Variants in KAZN observed in about 807,000 individuals in gnomAD.
KAZN encodes the protein kazrin, periplakin interacting protein, also known as kazrin.
In KAZN, 40 loss-of-function variants were observed where a neutral mutation model predicts 87.4. The ratio of observed to expected loss-of-function variants is 0.46; its 90% CI spans 0.36 to 0.60. KAZN has a LOEUF of 0.60. Ranked by LOEUF, KAZN falls within the 20% of genes least tolerant of loss-of-function variation. The probability of loss-of-function intolerance (pLI) is 0.00; values close to 1 mark genes in which losing one functional copy is unlikely to be tolerated. For synonymous variants in KAZN, 466 were observed against 458.3 expected (o/e 1.02, Z -0.22); for missense variants, 898 against 1,073.9 (o/e 0.84, Z 2.29).
Position 14,670,968 on chromosome 1 carries a change from G to T in KAZN, c.226+71745G>T, listed in dbSNP as rs374080429. Among the ~76,000 whole-genome samples, 11 of 152,280 alleles carry T rather than the reference G, an allele frequency of 7.2e-5. No homozygotes were observed. The East Asian group carries it at 1.7e-3, about 24-fold the overall frequency. On this transcript the variant is annotated intron_variant, in intron 1 of 14. Transcript: ENST00000376030. ...AAATTCTACTGGCATCCGGTGGGTG[G>T]AGGCCATAGATGATGTCAAACATCC...
Position 15,056,389 on chromosome 1 carries a change from G to A in KAZN, c.916+109G>A. Reference sequence around the variant, plus strand: ...TTTGTTCGTACTACAGCAGCTTGGGGGCGTGGGACAGAGACCTTGGGCTCA... The same window carrying A: ...TTTGTTCGTACTACAGCAGCTTGGGAGCGTGGGACAGAGACCTTGGGCTCA... On this transcript the variant is annotated intron_variant, in intron 5 of 14. Coordinates refer to ENST00000376030, the MANE Select transcript of KAZN (RefSeq NM_201628.3). This position sits in a 1 kb window ranked among gnomAD's most constrained non-coding sequence, Gnocchi z 5.4. 1.0e-5 allele frequency: 12 copies of A among 1,149,908 alleles called. No individual in the cohort carries two copies. Among genetic ancestry groups the A allele is most frequent in the Non-Finnish European group, 1.4e-5 (12 of 829,952 alleles). 71.2% of individuals were successfully genotyped at this position (1,149,908 alleles called of 1,614,324 possible).
intron 2 of KAZN, among the ~76,000 whole-genome samples, chr1:14,271,402 T>C (rs1364893556): frequency 1.3e-5 from 2 of 152,260 alleles, no homozygotes; most frequent in Non-Finnish European, 2.9e-5. Flanking sequence ...TACCCAGTTG[T>C]GATTAACTGA....
At chr1:14,689,693 T>C (rs550308556) in intron 1 of KAZN, among the ~76,000 whole-genome samples, 101 of 152,290 alleles carry the variant, frequency 6.6e-4, no homozygotes, top group Admixed American at 2.0e-3. Context: ...AGAAGCGTCA[T>C]GGAAACTCCT....
At chr1:14,175,363 G>C (rs925059272) in intron 1 of KAZN, among the ~76,000 whole-genome samples, 6 of 152,176 alleles carry the variant, frequency 3.9e-5, no homozygotes, top group Non-Finnish European at 5.9e-5. Flanking sequence ...TCGGCCTCCC[G>C]AAGTGCTGGG....
chr1:14,327,540 G>A (rs1656525837), intron 2 of KAZN, among the ~76,000 whole-genome samples: 2 of 152,158 alleles, frequency 1.3e-5, no homozygotes, highest in Admixed American at 6.5e-5. Context: ...AATAATGTGT[G>A]AGCTTGCCTT....
chr1:14,557,410 A>G (rs537068997), intron 2 of KAZN, among the ~76,000 whole-genome samples: 41 of 152,282 alleles, frequency 2.7e-4, no homozygotes, highest in Non-Finnish European at 5.0e-4. Context: ...TCCAATGTCC[A>G]TAGGTGCCAG....
intron 1 of KAZN, among the ~76,000 whole-genome samples, chr1:14,896,124 T>G (rs552063012): frequency 1.1e-4 from 17 of 150,632 alleles, no homozygotes; most frequent in Non-Finnish European, 2.1e-4. Flanking sequence ...GTGCAATCTC[T>G]GCTCACTGCA....
chr1:14,211,626 C>A (rs1180868987), intron 2 of KAZN, among the ~76,000 whole-genome samples: 8 of 152,064 alleles, frequency 5.3e-5, no homozygotes, highest in Non-Finnish European at 1.0e-4. Context: ...CTGGAGATGT[C>A]TTGTATGGGC....
At chr1:14,335,910 T>C (rs533241332) in intron 2 of KAZN, among the ~76,000 whole-genome samples, 5 of 152,248 alleles carry the variant, frequency 3.3e-5, no homozygotes, top group African/African-American at 9.6e-5. Flanking sequence ...TGGGGACCAC[T>C]GGAAACAATC....
Position 14,599,056 on chromosome 1 carries a change from G to A in KAZN, c.59G>A (p.Ser20Asn), listed in dbSNP as rs1192643729. ...ATCGATGGGGCGGTCCAGTCGGCCA[G>A]CCAGGAGGTGACCAACCTGCGAGCC... ...LRIDGAVQSASQEVTNLRAEL... is the reference protein window; with the variant it reads ...LRIDGAVQSANQEVTNLRAEL... The change falls in exon 1 of 15, where the codon AGC becomes AAC. Residue 20 changes from serine (S) to asparagine (N), a missense_variant. Transcript: ENST00000376030. The surrounding 1 kb of genome is among the most constrained non-coding windows in gnomAD (Gnocchi z 4.4). 1.3e-6 allele frequency: 2 copies of A among 1,563,920 alleles called. No individual in the cohort carries two copies. Among genetic ancestry groups the A allele is most frequent in the Non-Finnish European group, 1.7e-6 (2 of 1,159,684 alleles).
At chr1:14,434,249 T>C (rs978233752) in intron 2 of KAZN, among the ~76,000 whole-genome samples, 11 of 152,214 alleles carry the variant, frequency 7.2e-5, no homozygotes, top group African/African-American at 2.7e-4. Flanking sequence ...TGAGGAATCT[T>C]GAACTCTTGG....
At chr1:14,774,550 A>G (rs1645121201) in intron 1 of KAZN, among the ~76,000 whole-genome samples, 1 of 149,962 alleles carries the variant, frequency 6.7e-6, no homozygotes, top group African/African-American at 2.5e-5. Flanking sequence ...AGCTCACTGT[A>G]ACCTTGACCT....
intron 1 of KAZN, among the ~76,000 whole-genome samples, chr1:14,927,335 G>A (rs1425629123): frequency 1.3e-5 from 2 of 152,150 alleles, no homozygotes; most frequent in African/African-American, 4.8e-5. Context: ...CAGGGATATG[G>A]CAGCAAAGGA....
chr1:14,702,435 C>T (rs1025993345), intron 1 of KAZN, among the ~76,000 whole-genome samples: 7 of 150,458 alleles, frequency 4.7e-5, no homozygotes, highest in South Asian at 2.1e-4. Context: ...TTTAGCAATT[C>T]GCAAAAAGGT....
intron 2 of KAZN, among the ~76,000 whole-genome samples, chr1:14,514,381 T>A (rs1222585260): frequency 4.6e-5 from 1 of 21,910 alleles, no homozygotes. Context: ...ATATAATATA[T>A]ATATATTATA....
At chr1:13,944,526 T>C (rs776484336) in intron 1 of KAZN, among the ~76,000 whole-genome samples, 4 of 152,230 alleles carry the variant, frequency 2.6e-5, no homozygotes, top group Non-Finnish European at 5.9e-5. Flanking sequence ...ATGTAAGATA[T>C]ACCTGAATAA....
intron 1 of KAZN, among the ~76,000 whole-genome samples, chr1:14,922,526 C>T (rs1157134091): frequency 2.6e-5 from 4 of 152,072 alleles, no homozygotes; most frequent in African/African-American, 9.7e-5. Context: ...CTCTGCCGTC[C>T]TCTGGCGCAG....
At chr1:14,600,174 A>C (rs1676846904) in intron 1 of KAZN, among the ~76,000 whole-genome samples, 2 of 152,144 alleles carry the variant, frequency 1.3e-5, no homozygotes, top group South Asian at 4.1e-4. Flanking sequence ...TTGAATTGCA[A>C]ATTAAACTGC....
intron 1 of KAZN, among the ~76,000 whole-genome samples, chr1:14,083,312 A>AT (rs1643748782): frequency 6.6e-6 from 1 of 152,250 alleles, no homozygotes; most frequent in African/African-American, 2.4e-5. Flanking sequence ...TTGATTTGAT[A>AT]CATTTTAGTA....
Sources: allele counts gnomAD v4.1 joint callset (sites outside exome capture counted in the v4.1 genomes callset), GRCh38; gene constraint gnomAD v4.1.1; non-coding constraint Gnocchi (gnomAD v3.1); transcripts MANE v1.5; gene names NCBI Gene and HGNC (gene_info 2026-07-23, HGNC 2026-07-21).